The following UMAD1 variants were observed in gnomAD, a reference collection of about 807,000 sequenced individuals.
The protein encoded by UMAD1 is UBAP1-MVB12-associated (UMA) domain containing 1, also known as UBAP1-MVB12-associated (UMA)-domain containing protein 1.
UMAD1 carries 8 observed loss-of-function variants against 6.1 expected under a neutral mutation model. That is an observed-to-expected ratio of 1.30 (90% CI 0.76 to 2.35). The LOEUF is 2.35. Among genes scored for constraint, UMAD1 ranks in the 30% most tolerant of loss-of-function variants. The pLI is 0.00. For synonymous variants in UMAD1, 56 were observed against 31.4 expected (o/e 1.78, Z -2.61); for missense variants, 130 against 78.4 (o/e 1.66, Z -2.49).
At position 7,811,822 on chromosome 7, in the gene UMAD1, G is replaced by C. The variant is rs184799847; in HGVS notation, c.156+10079G>C. 1.1e-4 allele frequency among the ~76,000 whole-genome samples: 17 copies of C among 152,264 alleles called. No homozygotes were observed. In the East Asian group the frequency reaches 3.3e-3, roughly 29 times the overall value. ...GTCAGACTTCAAAAATTACTTCAAA[G>C]ATTCTTGCTCTTCCTAAGAGTGTTT... is the stretch of plus-strand genomic sequence containing the variant. On this transcript the variant is annotated intron_variant, in intron 3 of 3. Transcript: ENST00000682710.
intron 2 of UMAD1, among the ~76,000 whole-genome samples, chr7:7,751,712 G>C (rs576238396): frequency 6.6e-6 from 1 of 152,254 alleles, no homozygotes; most frequent in South Asian, 2.1e-4. Flanking sequence ...AATTTACCAG[G>C]AGTAAATTTA....
chr7:7,780,228 A>G (rs983446078), intron 2 of UMAD1, among the ~76,000 whole-genome samples: 1 of 152,156 alleles, frequency 6.6e-6, no homozygotes, highest in African/African-American at 2.4e-5. Context: ...CTCTTCTTCA[A>G]ACTAAGCTCT....
At chr7:7,812,931 A>G (rs1201023355) in intron 3 of UMAD1, among the ~76,000 whole-genome samples, 1 of 151,594 alleles carries the variant, frequency 6.6e-6, no homozygotes, top group Non-Finnish European at 1.5e-5. Context: ...CATTTTTATG[A>G]TGTCTTCCGA....
At chr7:7,748,103 A>ATTTTT (rs35368211) in intron 2 of UMAD1, among the ~76,000 whole-genome samples, 17 of 140,158 alleles carry the variant, frequency 1.2e-4, no homozygotes, top group African/African-American at 2.8e-4. Flanking sequence ...CGCCCAGCTA[A>ATTTTT]TTTTTTTTTT....
Position 7,774,143 on chromosome 7 carries a change from G to A in UMAD1, c.83-27527G>A, listed in dbSNP as rs1357443880. Among the ~76,000 whole-genome samples the A allele has an allele frequency of 2.0e-5, 3 of 152,156 alleles. No homozygotes were observed. The East Asian group carries it at 5.8e-4, about 29-fold the overall frequency. ...AATCTTCTTCCCCTTTCTCTGAGCA[G>A]CTTCTCAGGCTTAGATGCTACTCTG... On this transcript the variant is annotated intron_variant, in intron 2 of 3. Coordinates refer to ENST00000682710, the MANE Select transcript of UMAD1 (RefSeq NM_001302348.2).
At chr7:7,698,493 A>G (rs370454258) in intron 2 of UMAD1, among the ~76,000 whole-genome samples, 1 of 152,342 alleles carries the variant, frequency 6.6e-6, no homozygotes, top group South Asian at 2.1e-4. Flanking sequence ...CACCTGATTT[A>G]ACAAAATGTG....
At chr7:7,677,494 A>AGAAAATGT (rs1452763785) in intron 2 of UMAD1, among the ~76,000 whole-genome samples, 2 of 152,048 alleles carry the variant, frequency 1.3e-5, no homozygotes, top group African/African-American at 4.8e-5. Flanking sequence ...CATATGAGTG[A>AGAAAATGT]GAAAATGTGA....
At chr7:7,723,638 C>T (rs1465557197) in intron 2 of UMAD1, among the ~76,000 whole-genome samples, 2 of 152,106 alleles carry the variant, frequency 1.3e-5, no homozygotes, top group Non-Finnish European at 1.5e-5. Context: ...TTCAAGAGCC[C>T]GATAATTGCT....
At chr7:7,723,516 G>A (rs1781087405) in intron 2 of UMAD1, among the ~76,000 whole-genome samples, 1 of 152,152 alleles carries the variant, frequency 6.6e-6, no homozygotes, top group Admixed American at 6.5e-5. Context: ...AGATTGGGAT[G>A]GTGGAGTGGA....
intron 2 of UMAD1, chr7:7,738,924 G>A (rs1390916059): frequency 6.6e-6 from 1 of 152,158 alleles, no homozygotes; most frequent in Non-Finnish European, 1.5e-5. Context: ...CTGAGACATA[G>A]GTAGGAAGAG....
At chr7:7,749,973 T>C (rs1781647858) in intron 2 of UMAD1, among the ~76,000 whole-genome samples, 1 of 152,160 alleles carries the variant, frequency 6.6e-6, no homozygotes, top group Non-Finnish European at 1.5e-5. Flanking sequence ...AGGTCAGACA[T>C]TGATTATGTT....
intron 3 of UMAD1, among the ~76,000 whole-genome samples, chr7:7,837,750 A>C (rs1354315406): frequency 6.6e-6 from 1 of 152,168 alleles, no homozygotes; most frequent in Admixed American, 6.5e-5. Context: ...ATGTAAATTA[A>C]ATTTTCCTGT....
intron 1 of UMAD1, among the ~76,000 whole-genome samples, chr7:7,665,565 A>T (rs1352919322): frequency 6.6e-6 from 1 of 152,178 alleles, no homozygotes; most frequent in Non-Finnish European, 1.5e-5. Flanking sequence ...GAAAATATAC[A>T]ATTTGATGAG....
chr7:7,793,369 C>T (rs1782606852), intron 2 of UMAD1, among the ~76,000 whole-genome samples: 1 of 152,162 alleles, frequency 6.6e-6, no homozygotes, highest in Admixed American at 6.5e-5. Flanking sequence ...ATGAGTGTGA[C>T]TGAAGAATGA....
At chr7:7,790,260 G>A (rs925336316) in intron 2 of UMAD1, among the ~76,000 whole-genome samples, 2 of 147,792 alleles carry the variant, frequency 1.4e-5, no homozygotes, top group Middle Eastern at 3.4e-3. Flanking sequence ...TGTGTACACC[G>A]GAATGTGAGA....
At chr7:7,790,796 T>A (rs958507751) in intron 2 of UMAD1, among the ~76,000 whole-genome samples, 1 of 152,238 alleles carries the variant, frequency 6.6e-6, no homozygotes, top group African/African-American at 2.4e-5. Flanking sequence ...AACTGAACTC[T>A]GTCTTCATCT....
chr7:7,872,103 A>G (rs371960752), intron 3 of UMAD1, among the ~76,000 whole-genome samples: 2 of 145,160 alleles, frequency 1.4e-5, no homozygotes, highest in Admixed American at 1.4e-4. Context: ...AATAAAAAAT[A>G]AAAAAAAAAA....
chr7:7,830,245 G>C lies in UMAD1; in HGVS notation c.156+28502G>C, dbSNP rs773477536. ...ACTTGCCATTTCCTAAACATGCGTT[G>C]TAATCACACGGCTCTCTGTCTGCTT... On this transcript the variant is annotated intron_variant, in intron 3 of 3. Coordinates refer to ENST00000682710, the MANE Select transcript of UMAD1 (RefSeq NM_001302348.2). The surrounding 1 kb of genome is among the most constrained non-coding windows in gnomAD (Gnocchi z 5.3). Among the ~76,000 whole-genome samples, 2 of 152,094 alleles carry C rather than the reference G, an allele frequency of 1.3e-5. No homozygotes were observed. Among genetic ancestry groups the C allele is most frequent in the African/African-American group, 2.4e-5 (1 of 41,418 alleles).
At chr7:7,790,094 T>C (rs949310163) in intron 2 of UMAD1, among the ~76,000 whole-genome samples, 3 of 149,952 alleles carry the variant, frequency 2.0e-5, no homozygotes, top group African/African-American at 7.7e-5. Flanking sequence ...CTGTCCATTG[T>C]TTAAGGCTCT....
Sources: allele counts gnomAD v4.1 joint callset (sites outside exome capture counted in the v4.1 genomes callset), GRCh38; gene constraint gnomAD v4.1.1; non-coding constraint Gnocchi (gnomAD v3.1); transcripts MANE v1.5; gene names NCBI Gene and HGNC (gene_info 2026-07-23, HGNC 2026-07-21).